The following BANP variants were observed in gnomAD, a reference collection of about 807,000 sequenced individuals.
BANP encodes the protein protein BANP.
BANP carries 11 observed loss-of-function variants against 68.1 expected under a neutral mutation model. The observed-to-expected ratio is 0.16, with a 90% confidence interval of 0.10 to 0.27. The LOEUF (loss-of-function observed/expected upper bound fraction) is 0.27. Ranked by LOEUF, BANP falls within the 10% of genes least tolerant of loss-of-function variation. The pLI, the probability that BANP is intolerant of heterozygous loss-of-function variation, is 1.00. For missense variants in BANP, 504 were observed against 722.7 expected (o/e 0.70, Z 3.47); for synonymous variants, 329 against 303.2 (o/e 1.09, Z -0.88).
intron 3 of BANP, chr16:87,982,749 C>A (rs59581319): frequency 1.3e-5 from 2 of 152,136 alleles, no homozygotes; most frequent in Non-Finnish European, 2.9e-5. Context: ...TGAGAAAAGG[C>A]GAGTTGTTGG....
chr16:88,015,178 G>C (rs7404746), intron 6 of BANP, among the ~76,000 whole-genome samples: 98,387 of 141,854 alleles, frequency 0.69, 35,165 homozygotes, highest in Non-Finnish European at 0.81. Flanking sequence ...CCCTCTGCCT[G>C]TGCCCTCTGC....
intron 1 of BANP, among the ~76,000 whole-genome samples, chr16:87,969,311 G>A (rs749252096): frequency 6.6e-6 from 1 of 152,122 alleles, no homozygotes; most frequent in East Asian, 1.9e-4. Context: ...GCTGAATGTT[G>A]TGTGGGGCAT....
chr16:87,960,267 C>T (rs1480792314), intron 1 of BANP, among the ~76,000 whole-genome samples: 1 of 152,290 alleles, frequency 6.6e-6, no homozygotes, highest in Middle Eastern at 3.4e-3. Flanking sequence ...TCTTGTCTGA[C>T]ACCTGGGAGA....
chr16:88,008,151 T>C (rs1368084665), intron 6 of BANP, among the ~76,000 whole-genome samples: 1 of 152,224 alleles, frequency 6.6e-6, no homozygotes, highest in Non-Finnish European at 1.5e-5. Context: ...TTTTGCCCAG[T>C]GCTTTGTTCC....
At chr16:87,992,591 C>T (rs138771036) in intron 4 of BANP, among the ~76,000 whole-genome samples, 4,383 of 152,048 alleles carry the variant, frequency 0.029, 215 homozygotes, top group African/African-American at 0.1. Flanking sequence ...GTCAGGAGTT[C>T]GAGACCAGCC....
rs751072241 is a variant in BANP at position 87,971,323 on chromosome 16, C to G, written c.-68-3725C>G. On this transcript the variant is annotated intron_variant, in intron 1 of 13. Transcript: ENST00000682872. Reference sequence around the variant, plus strand: ...CTCCGCTAGCCGCTCTTCCCAATGCCTCTCCAGTGGTTTGGTTTTCCGAAG... The same window carrying G: ...CTCCGCTAGCCGCTCTTCCCAATGCGTCTCCAGTGGTTTGGTTTTCCGAAG... Among the ~76,000 whole-genome samples, 9 of 152,196 alleles carry G rather than the reference C, an allele frequency of 5.9e-5. No individual in the cohort carries two copies. The South Asian group carries it at 6.2e-4, about 11-fold the overall frequency.
chr16:87,969,526 G>A (rs897901868), intron 1 of BANP, among the ~76,000 whole-genome samples: 2 of 140,518 alleles, frequency 1.4e-5, no homozygotes, highest in Non-Finnish European at 1.5e-5. Context: ...ATTACACATC[G>A]AGATTGACTT....
intron 7 of BANP, among the ~76,000 whole-genome samples, chr16:88,023,105 G>A (rs1567785070): frequency 6.6e-6 from 1 of 152,218 alleles, no homozygotes; most frequent in Non-Finnish European, 1.5e-5. Context: ...TGGACTCCAT[G>A]CAGGGGTGGG....
At chr16:88,055,448 A>G (rs991331523) in intron 11 of BANP, among the ~76,000 whole-genome samples, 1 of 152,228 alleles carries the variant, frequency 6.6e-6, no homozygotes, top group African/African-American at 2.4e-5. Flanking sequence ...GTGACCTTGA[A>G]GCTTTTCAGC....
intron 4 of BANP, among the ~76,000 whole-genome samples, chr16:88,001,227 T>G (rs998310827): frequency 8.3e-6 from 1 of 121,158 alleles, no homozygotes; most frequent in African/African-American, 3.5e-5. Context: ...CCCAGACACG[T>G]CTCCATGCAC....
intron 11 of BANP, among the ~76,000 whole-genome samples, chr16:88,058,739 G>A (rs1213268574): frequency 6.6e-6 from 1 of 152,110 alleles, no homozygotes; most frequent in East Asian, 1.9e-4. Flanking sequence ...GAAGCAACTC[G>A]GACCCATGGC....
chr16:88,051,304 T>C (rs1348942187), intron 11 of BANP, among the ~76,000 whole-genome samples: 7 of 152,142 alleles, frequency 4.6e-5, no homozygotes, highest in Non-Finnish European at 2.9e-5. Flanking sequence ...AAGATTGAGG[T>C]GTGGGGCGGC....
At chr16:87,999,575 C>G (rs1236723919) in intron 4 of BANP, among the ~76,000 whole-genome samples, 1 of 59,234 alleles carries the variant, frequency 1.7e-5, no homozygotes, top group Non-Finnish European at 3.4e-5. Flanking sequence ...CGCGGCTGGA[C>G]TTACCTGTCC....
intron 7 of BANP, among the ~76,000 whole-genome samples, chr16:88,024,958 C>G (rs2076709400): frequency 6.6e-6 from 1 of 152,256 alleles, no homozygotes; most frequent in South Asian, 2.1e-4. Flanking sequence ...GATTTATCTT[C>G]TTTCCTGTTA....
chr16:88,029,562 G>C (rs1438217647), intron 8 of BANP, among the ~76,000 whole-genome samples: 1 of 145,110 alleles, frequency 6.9e-6, no homozygotes, highest in Non-Finnish European at 1.5e-5. Flanking sequence ...AGTGAGCCGA[G>C]ATCACACCAC....
intron 3 of BANP, among the ~76,000 whole-genome samples, chr16:87,981,930 G>C (rs1406783532): frequency 6.6e-6 from 1 of 152,258 alleles, no homozygotes; most frequent in Non-Finnish European, 1.5e-5. Context: ...ATCGGCACAT[G>C]TGAGAAGGTT....
intron 11 of BANP, among the ~76,000 whole-genome samples, chr16:88,061,520 C>T (rs567987008): frequency 6.6e-6 from 1 of 152,232 alleles, no homozygotes; most frequent in Non-Finnish European, 1.5e-5. Context: ...TTTAAGGGCA[C>T]GTGTTAGTAT....
In BANP at chr16:87,981,160, T is replaced by C. The variant is rs760838328; in HGVS notation, c.162+33T>C. The stretch of plus-strand genomic sequence containing the variant: ...TCTGACTCTGTTCTGTGGTGTGTAG[T>C]GCGTTGCAGATTTCAAGGGCTGCTA... On this transcript the variant is annotated intron_variant, in intron 3 of 13. Coordinates refer to ENST00000682872, the MANE Select transcript of BANP (RefSeq NM_001386991.1). The C allele has an allele frequency of 2.7e-6, 4 of 1,474,540 alleles. No individual in the cohort carries two copies. In the African/African-American group the frequency reaches 4.2e-5, roughly 15 times the overall value. 91.3% of individuals were successfully genotyped at this position (1,474,540 alleles called of 1,614,324 possible). A position where few individuals can be genotyped will look rare whatever the true frequency, so the allele number is the denominator to read the frequency against.
chr16:88,072,282 C>G lies in BANP; in HGVS notation c.1521+70C>G, dbSNP rs879493804. ...CCGCCTGCCGCTGCCACCGGGCACA[C>G]GTGGCCCCGGGGCTTTCTCGTGACT... On this transcript the variant is annotated intron_variant, in intron 13 of 13. Transcript: ENST00000682872. 34 of 1,523,272 alleles carry G rather than the reference C, an allele frequency of 2.2e-5. No homozygotes were observed. In the African/African-American group the frequency reaches 4.4e-4, roughly 20 times the overall value. The allele number at this position is 1,523,272 out of a possible 1,614,324, so 94.4% of individuals were successfully genotyped here.
Sources: gnomAD v4.1 joint callset for allele counts (sites outside exome capture counted in the v4.1 genomes callset) on GRCh38, gnomAD v4.1.1 for gene constraint, MANE v1.5 for transcripts, NCBI Gene and HGNC (gene_info 2026-07-23, HGNC 2026-07-21) for gene names.